FRMD5: variants seen among roughly 807,000 people sequenced by gnomAD.
FRMD5 encodes the protein FERM domain containing 5.
FRMD5 carries 20 observed loss-of-function variants against 69.0 expected under a neutral mutation model. The observed-to-expected ratio is 0.29, with a 90% CI of 0.20 to 0.42. The LOEUF is 0.42. Among genes scored for constraint, FRMD5 ranks in the 10% least tolerant of loss-of-function variants. FRMD5 has a pLI of 1.00. For missense variants in FRMD5, 595 were observed against 708.6 expected, an observed-to-expected ratio of 0.84 and a Z score of 1.82; for synonymous variants, 271 against 260.1, an observed-to-expected ratio of 1.04 and a Z score of -0.40.
At chr15:43,988,962 A>G in intron 1 of FRMD5, 1 of 632,086 alleles carries the variant, frequency 1.6e-6, no homozygotes, top group Admixed American at 1.9e-5. Flanking sequence ...ACAAAACAAA[A>G]CAAAATAAAA....
chr15:43,961,309 A>T (rs1425112439), intron 1 of FRMD5, among the ~76,000 whole-genome samples: 1 of 152,238 alleles, frequency 6.6e-6, no homozygotes, highest in Admixed American at 6.5e-5. Flanking sequence ...TCTAGAAGAA[A>T]TGGAGAAATT....
intron 1 of FRMD5, among the ~76,000 whole-genome samples, chr15:43,982,813 T>C (rs1282740907): frequency 6.6e-6 from 1 of 152,234 alleles, no homozygotes; most frequent in Non-Finnish European, 1.5e-5. Flanking sequence ...ACAGAAGGTA[T>C]CTTTTTTAAA....
intron 1 of FRMD5, among the ~76,000 whole-genome samples, chr15:43,983,748 T>A (rs2090582349): frequency 6.6e-6 from 1 of 152,172 alleles, no homozygotes. Context: ...GGAATCAGAA[T>A]TGAAGCAGGA....
chr15:44,133,445 A>G (rs1287217295), intron 1 of FRMD5, among the ~76,000 whole-genome samples: 1 of 150,896 alleles, frequency 6.6e-6, no homozygotes, highest in African/African-American at 2.4e-5. Context: ...GCGTGGTGGC[A>G]GGTGCTTGTA....
At position 43,902,228 on chromosome 15, in the gene FRMD5, A is replaced by G; in HGVS notation, c.586T>C (p.Leu196=). 6 of 1,614,146 alleles carry G rather than the reference A, an allele frequency of 3.7e-6. No individual in the cohort carries two copies. The highest frequency in any genetic ancestry group is 5.1e-6 in the Non-Finnish European group (6 of 1,179,994). The change falls in exon 7 of 14, where the codon TTA becomes CTA. Residue 196 remains leucine (L), a synonymous_variant. Transcript: ENST00000417257. ...QTPATSELNF[L]RKAQTLETYG... The stretch of plus-strand genomic sequence containing the variant: ...GTTTCCAATGTCTGTGCTTTTCTTA[A>G]GAAGTTCAGCTCTGATGTTGCTGGT...
chr15:44,001,037 C>T (rs765695797), intron 1 of FRMD5, among the ~76,000 whole-genome samples: 5 of 152,138 alleles, frequency 3.3e-5, no homozygotes, highest in African/African-American at 4.8e-5. Context: ...TCCCTTTTCT[C>T]ACCGATAACA....
intron 1 of FRMD5, among the ~76,000 whole-genome samples, chr15:44,131,059 T>C (rs1034595730): frequency 6.6e-6 from 1 of 152,210 alleles, no homozygotes; most frequent in Admixed American, 6.5e-5. Context: ...ATCCTTCAAT[T>C]GCATTTATAA....
chr15:44,117,991 C>CTTTTTTTTTTTTTTTTTTTTTTTT (rs747747488), intron 1 of FRMD5, among the ~76,000 whole-genome samples: 4 of 92,656 alleles, frequency 4.3e-5, no homozygotes, highest in African/African-American at 9.3e-5. Context: ...TTCTTTTTTA[C>CTTTTTTTTTTTTTTTTTTTTTTTT]TTTTTTTTTT....
chr15:43,969,038 G>C (rs993784924), intron 1 of FRMD5, among the ~76,000 whole-genome samples: 1 of 151,716 alleles, frequency 6.6e-6, no homozygotes, highest in Non-Finnish European at 1.5e-5. Context: ...TTAGAGGTAA[G>C]AAAATAGTTT....
At chr15:44,121,988 CAAAA>C (rs34129381) in intron 1 of FRMD5, among the ~76,000 whole-genome samples, 2 of 70,004 alleles carry the variant, frequency 2.9e-5, no homozygotes, top group African/African-American at 9.7e-5. Context: ...AAGGGAGACT[CAAAA>C]AAAAAAAAAA....
At chr15:43,998,801 T>G (rs1890053176) in intron 1 of FRMD5, among the ~76,000 whole-genome samples, 1 of 152,180 alleles carries the variant, frequency 6.6e-6, no homozygotes, top group Non-Finnish European at 1.5e-5. Flanking sequence ...TCAGTATGAT[T>G]TGAATGAAAG....
intron 1 of FRMD5, among the ~76,000 whole-genome samples, chr15:44,182,324 CTTTTT>C (rs71111843): frequency 7.0e-5 from 6 of 85,648 alleles, no homozygotes; most frequent in Admixed American, 1.4e-4. Context: ...CATTGCTTTT[CTTTTT>C]TTTTTTTTTT....
rs759820600 is a variant in FRMD5 at position 43,919,756 on chromosome 15, A to C, written c.250+11T>G. 425 of 1,613,382 alleles carry C rather than the reference A, an allele frequency of 2.6e-4. No homozygotes were observed. The highest frequency in any genetic ancestry group is 3.5e-4 in the Non-Finnish European group (410 of 1,179,404). On this transcript the variant is annotated intron_variant, in intron 3 of 13. Coordinates refer to ENST00000417257, the MANE Select transcript of FRMD5 (RefSeq NM_032892.5). ...GGGTGTGGCTTGAGTCTTTTCATGG[A>C]GAATACTTACATCTCAATTGTTTCA...
At chr15:43,880,356 C>T (rs1175124290) in intron 13 of FRMD5, among the ~76,000 whole-genome samples, 1 of 152,114 alleles carries the variant, frequency 6.6e-6, no homozygotes. Context: ...TCATCGCATC[C>T]CTCGCAGCCC....
intron 1 of FRMD5, among the ~76,000 whole-genome samples, chr15:44,127,395 T>C (rs530479284): frequency 6.6e-6 from 1 of 152,246 alleles, no homozygotes; most frequent in East Asian, 1.9e-4. Flanking sequence ...CCCAGCCTAA[T>C]AAATGCTTTT....
chr15:44,132,253 C>T (rs958625131), intron 1 of FRMD5, among the ~76,000 whole-genome samples: 1 of 152,192 alleles, frequency 6.6e-6, no homozygotes, highest in African/African-American at 2.4e-5. Context: ...ATCACTTGCT[C>T]GTCCACCACT....
At chr15:43,880,792 CT>C in intron 13 of FRMD5, among the ~76,000 whole-genome samples, 1 of 152,342 alleles carries the variant, frequency 6.6e-6, no homozygotes, top group Non-Finnish European at 1.5e-5. Context: ...AGGAAGTGCC[CT>C]GGCCCTAGGG....
intron 1 of FRMD5, among the ~76,000 whole-genome samples, chr15:43,932,687 G>T (rs1329834496): frequency 6.6e-6 from 1 of 152,228 alleles, no homozygotes; most frequent in East Asian, 1.9e-4. Context: ...TCAAAAAACA[G>T]AACAGGTTCC....
chr15:43,896,987 A>G lies in FRMD5; in HGVS notation c.640-4918T>C, dbSNP rs536331734. On this transcript the variant is annotated intron_variant, in intron 7 of 13. Coordinates refer to ENST00000417257, the MANE Select transcript of FRMD5 (RefSeq NM_032892.5). Reference sequence around the variant, plus strand: ...AAACTAGAATGGAAATGAAGAGGAGAAGGAGGAGGAGGAGGAGGCACCCTG... The same window carrying G: ...AAACTAGAATGGAAATGAAGAGGAGGAGGAGGAGGAGGAGGAGGCACCCTG... Among the ~76,000 whole-genome samples the G allele has an allele frequency of 1.3e-4, 20 of 152,024 alleles. No individual in the cohort carries two copies. In the East Asian group the frequency reaches 1.5e-3, roughly 12 times the overall value.
Sources: gnomAD v4.1 joint callset for allele counts (sites outside exome capture counted in the v4.1 genomes callset) on GRCh38, gnomAD v4.1.1 for gene constraint, MANE v1.5 for transcripts, NCBI Gene and HGNC (gene_info 2026-07-23, HGNC 2026-07-21) for gene names.